KLF17: variants seen among roughly 807,000 people sequenced by gnomAD.
The protein encoded by KLF17 is KLF transcription factor 17, also known as Krueppel-like factor 17.
Under a neutral mutation model 34.2 loss-of-function variants are expected in KLF17, and 31 were observed. The ratio of observed to expected loss-of-function variants is 0.91; its 90% CI spans 0.68 to 1.22. The LOEUF (loss-of-function observed/expected upper bound fraction) is 1.22. Ranked by LOEUF, KLF17 falls within the 50% of genes most tolerant of loss-of-function variation. KLF17 has a pLI of 0.00. For synonymous variants in KLF17, 179 were observed against 186.7 expected (o/e 0.96, Z 0.34); for missense variants, 478 against 505.2 (o/e 0.95, Z 0.52).
At chr1:44,117,226 C>T (rs2087888941), upstream of KLF17, 1 of 152,168 alleles carries the variant, frequency 6.6e-6, no homozygotes, top group Admixed American at 6.5e-5. Context: ...TTCATCCCTC[C>T]TTAGGCAACC....
At chr1:44,108,699 C>T in the KLF17 span, among the ~76,000 whole-genome samples, 1 of 117,610 alleles carries the variant, frequency 8.5e-6, no homozygotes, top group Non-Finnish European at 1.7e-5. Context: ...AAGTTTCCCT[C>T]GTGTTGCCCA....
the KLF17 span, among the ~76,000 whole-genome samples, chr1:44,057,093 G>A: frequency 1.3e-5 from 2 of 152,014 alleles, no homozygotes; most frequent in African/African-American, 2.4e-5. Flanking sequence ...CTGGTGTTTG[G>A]TGGTTTACAG....
At chr1:44,114,682 G>A (rs1275910575), upstream of KLF17, 1 of 152,006 alleles carries the variant, frequency 6.6e-6, no homozygotes, top group Non-Finnish European at 1.5e-5. Flanking sequence ...GGCTAGAAGG[G>A]GTGCATATCT....
At chr1:44,102,563 CAT>C in the KLF17 span, among the ~76,000 whole-genome samples, 94 of 48,826 alleles carry the variant, frequency 1.9e-3, 1 homozygote, top group Middle Eastern at 0.011. Context: ...CACACATACA[CAT>C]ACACACACAC....
At chr1:44,069,253 G>T in the KLF17 span, among the ~76,000 whole-genome samples, 7 of 152,102 alleles carry the variant, frequency 4.6e-5, no homozygotes, top group African/African-American at 1.7e-4. The surrounding 1 kb of genome is among the most constrained non-coding windows in gnomAD (Gnocchi z 4.7). Context: ...GGCCAGAGGG[G>T]TCCACCCCAG....
chr1:44,050,246 T>G, the KLF17 span, among the ~76,000 whole-genome samples: 23 of 152,198 alleles, frequency 1.5e-4, 1 homozygote, highest in African/African-American at 5.5e-4. Flanking sequence ...AGTTGTAAAA[T>G]AATTACCAGC....
At chr1:44,113,628 T>C in the KLF17 span, among the ~76,000 whole-genome samples, 7 of 152,166 alleles carry the variant, frequency 4.6e-5, no homozygotes, top group African/African-American at 1.7e-4. Flanking sequence ...TCTGGAGTCA[T>C]TCTGCAGCAT....
chr1:44,099,903 AAGAAAGAAAG>A, the KLF17 span, among the ~76,000 whole-genome samples: 1 of 69,336 alleles, frequency 1.4e-5, no homozygotes. Flanking sequence ...GAAAGAAAGA[AAGAAAGAAAG>A]AAAGAAAAGA....
upstream of KLF17, chr1:44,118,771 C>T: frequency 1.5e-6 from 1 of 662,360 alleles, no homozygotes; most frequent in Non-Finnish European, 2.4e-6. Flanking sequence ...TGGGGCCTGA[C>T]CCCGCCCCTT....
intron 1 of KLF17, among the ~76,000 whole-genome samples, chr1:44,127,590 G>A (rs1169915785): frequency 9.4e-5 from 14 of 148,516 alleles, no homozygotes; most frequent in Admixed American, 6.1e-4. Flanking sequence ...ACCCGCCTCG[G>A]TGGATCTTTC....
the KLF17 span, among the ~76,000 whole-genome samples, chr1:44,083,587 G>C: frequency 6.6e-6 from 1 of 152,172 alleles, no homozygotes; most frequent in African/African-American, 2.4e-5. Context: ...ACAAAGTCAG[G>C]AGTTCCAGAC....
At chr1:44,086,404 T>G in the KLF17 span, among the ~76,000 whole-genome samples, 2 of 152,132 alleles carry the variant, frequency 1.3e-5, no homozygotes, top group Non-Finnish European at 2.9e-5. Context: ...AAGTAGAGGT[T>G]GCGGTGAGCT....
chr1:44,117,470 T>A (rs868680576), upstream of KLF17: 468 of 129,740 alleles, frequency 3.6e-3, 2 homozygotes, highest in African/African-American at 0.014. Flanking sequence ...ATTTTATTTA[T>A]TTTATTTTAT....
chr1:44,082,436 C>A, the KLF17 span, among the ~76,000 whole-genome samples: 2 of 151,654 alleles, frequency 1.3e-5, no homozygotes, highest in African/African-American at 4.8e-5. Flanking sequence ...GAAATTACAC[C>A]GGGGACTGTG....
the KLF17 span, among the ~76,000 whole-genome samples, chr1:44,054,694 G>A: frequency 6.6e-6 from 1 of 151,102 alleles, no homozygotes; most frequent in Admixed American, 6.6e-5. Context: ...TGTTAGCCAG[G>A]ATGGTCTCAG....
At chr1:44,054,498 T>G in the KLF17 span, among the ~76,000 whole-genome samples, 3 of 147,306 alleles carry the variant, frequency 2.0e-5, no homozygotes, top group East Asian at 5.9e-4. Flanking sequence ...TTTTTTTTTT[T>G]GAGACAGAGT....
At chr1:44,113,321 A>C in the KLF17 span, among the ~76,000 whole-genome samples, 4 of 152,362 alleles carry the variant, frequency 2.6e-5, no homozygotes, top group South Asian at 6.2e-4. Flanking sequence ...GCAACAGAAC[A>C]GAATGTACAT....
the KLF17 span, among the ~76,000 whole-genome samples, chr1:44,107,389 G>A: frequency 3.9e-5 from 6 of 152,170 alleles, no homozygotes; most frequent in Non-Finnish European, 7.3e-5. Context: ...ACAGGTGTGA[G>A]CCACCGCGCC....
At chr1:44,049,462 A>G in the KLF17 span, among the ~76,000 whole-genome samples, 5 of 152,104 alleles carry the variant, frequency 3.3e-5, no homozygotes, top group Admixed American at 1.3e-4. Context: ...TTTGAATTTC[A>G]TATAGTTAGA....
Sources: gnomAD v4.1 joint callset for allele counts (sites outside exome capture counted in the v4.1 genomes callset) on GRCh38, gnomAD v4.1.1 for gene constraint, Gnocchi (gnomAD v3.1) non-coding constraint, MANE v1.5 for transcripts, NCBI Gene and HGNC (gene_info 2026-07-23, HGNC 2026-07-21) for gene names.